SLC37A1: variants seen among roughly 807,000 people sequenced by gnomAD.
The protein encoded by SLC37A1 is glucose-6-phosphate exchanger SLC37A1.
In SLC37A1, 49 loss-of-function variants were observed where a neutral mutation model predicts 75.3. The observed-to-expected ratio is 0.65, with a 90% confidence interval of 0.52 to 0.83. The LOEUF (loss-of-function observed/expected upper bound fraction) is 0.83. SLC37A1 is among the 40% of genes least tolerant of loss of function. The probability of loss-of-function intolerance (pLI) is 0.00; values close to 1 mark genes in which losing one functional copy is unlikely to be tolerated. For synonymous variants in SLC37A1, 268 were observed against 292.1 expected (o/e 0.92, Z 0.84); for missense variants, 566 against 695.0 (o/e 0.81, Z 2.09).
intron 10 of SLC37A1, among the ~76,000 whole-genome samples, chr21:42,554,947 C>G (rs2055646959): frequency 6.8e-6 from 1 of 146,458 alleles, no homozygotes; most frequent in Non-Finnish European, 1.5e-5. Context: ...TGTTCTCTTT[C>G]TAGATCAGGT....
intron 2 of SLC37A1, among the ~76,000 whole-genome samples, chr21:42,523,475 G>A (rs921098555): frequency 3.3e-5 from 5 of 152,252 alleles, no homozygotes; most frequent in South Asian, 2.1e-4. Context: ...AGTCGAAGGC[G>A]TGAGAAGCAG....
At chr21:42,510,247 C>G (rs189915803), upstream of SLC37A1, among the ~76,000 whole-genome samples, 1 of 152,084 alleles carries the variant, frequency 6.6e-6, no homozygotes, top group Non-Finnish European at 1.5e-5. Context: ...AGGATAGTCT[C>G]GATCTCCTGA....
intron 2 of SLC37A1, among the ~76,000 whole-genome samples, chr21:42,521,328 TAGAC>T (rs1166275280): frequency 2.0e-5 from 3 of 152,184 alleles, no homozygotes; most frequent in Non-Finnish European, 2.9e-5. Context: ...TCAGAAAACA[TAGAC>T]AGAATTACAA....
intron 1 of SLC37A1, among the ~76,000 whole-genome samples, chr21:42,500,888 C>T (rs1036923171): frequency 6.6e-6 from 1 of 152,198 alleles, no homozygotes; most frequent in Non-Finnish European, 1.5e-5. Flanking sequence ...ATGCCAGATA[C>T]ACACACGCCC....
intron 5 of SLC37A1, 140 bp downstream of exon 5, chr21:42,535,690 A>G (rs1601702657): frequency 2.8e-6 from 2 of 718,730 alleles, no homozygotes; most frequent in African/African-American, 1.7e-5. Flanking sequence ...TTCCCTTCCC[A>G]AAGACGAGGC....
At position 42,534,753 on chromosome 21, in the gene SLC37A1, GC is replaced by G; in HGVS notation, c.196del (p.Gln66ArgfsTer65). ...AWDEADVRFSSQNRKSGSAAP... is the reference protein window; with the variant it reads ...AWDEADVRFSXQNRKSGSAAP... The stretch of plus-strand genomic sequence containing the variant: ...GATGAAGCTGACGTCAGGTTCAGCA[GC>G]CAGAACAGGAAGTCTGGGTCCGCTG... On this transcript the variant is annotated frameshift_variant, in exon 4 of 20. Transcript: ENST00000352133. LOFTEE classifies it high-confidence loss of function. The G allele has an allele frequency of 6.2e-7, 1 of 1,614,056 alleles. No homozygotes were observed. Among genetic ancestry groups the G allele is most frequent in the Non-Finnish European group, 8.5e-7 (1 of 1,179,996 alleles).
intron 2 of SLC37A1, among the ~76,000 whole-genome samples, chr21:42,507,770 A>ATCAG (rs2054397650): frequency 6.6e-6 from 1 of 152,218 alleles, no homozygotes; most frequent in South Asian, 2.1e-4. Context: ...GCTCCTTCTA[A>ATCAG]TCAGTGCTCA....
chr21:42,543,293 C>A (rs1395910058), intron 7 of SLC37A1, 143 bp from the exon 8 acceptor site: 18 of 935,464 alleles, frequency 1.9e-5, no homozygotes, highest in Admixed American at 1.6e-4. Flanking sequence ...GCGAGTCCTG[C>A]ATGGCACAGA....
intron 5 of SLC37A1, among the ~76,000 whole-genome samples, chr21:42,538,216 T>C (rs2055189724): frequency 6.6e-6 from 1 of 152,226 alleles, no homozygotes; most frequent in African/African-American, 2.4e-5. Flanking sequence ...ACCTATCTCC[T>C]GGTCTCTGAA....
intron 17 of SLC37A1, among the ~76,000 whole-genome samples, chr21:42,569,719 T>C (rs192059987): frequency 8.9e-4 from 135 of 152,358 alleles, no homozygotes; most frequent in African/African-American, 3.0e-3. Context: ...TTCGGTGCAC[T>C]CCTCTGTTTT....
At chr21:42,507,992 A>C (rs1261495581) in intron 2 of SLC37A1, among the ~76,000 whole-genome samples, 1 of 151,176 alleles carries the variant, frequency 6.6e-6, no homozygotes, top group African/African-American at 2.4e-5. Context: ...CCCATCAGAC[A>C]GTGTTTGTTT....
chr21:42,512,094 G>A (rs112377524), upstream of SLC37A1, among the ~76,000 whole-genome samples: 1,392 of 148,826 alleles, frequency 9.4e-3, 13 homozygotes, highest in African/African-American at 0.016. Context: ...AAAAAATAAT[G>A]TGAGGTGATT....
At position 42,580,585 on chromosome 21, in the gene SLC37A1, G is replaced by A; in HGVS notation, c.*225G>A. 2.4e-6 allele frequency: 1 copy of A among 416,844 alleles called. No homozygotes were observed. The highest frequency in any genetic ancestry group is 4.3e-6 in the Non-Finnish European group (1 of 230,640). The allele number at this position is 416,844 out of a possible 1,614,324, so 25.8% of individuals were successfully genotyped here. On this transcript the variant is annotated 3_prime_UTR_variant, in exon 20 of 20. Transcript: ENST00000352133. Reference sequence around the variant, plus strand: ...AAAGTCTGCAGGAACTGCTGCCTGAGCCAAGCCAGAGAACCGAAGACCCGG... The same window carrying A: ...AAAGTCTGCAGGAACTGCTGCCTGAACCAAGCCAGAGAACCGAAGACCCGG...
chr21:42,568,017 G>A (rs931722635), intron 16 of SLC37A1, among the ~76,000 whole-genome samples: 3 of 152,276 alleles, frequency 2.0e-5, no homozygotes, highest in Non-Finnish European at 2.9e-5. Context: ...GAAGGCCGGC[G>A]CAGCTCAGGG....
rs2054566375 is a variant in SLC37A1 at position 42,518,515 on chromosome 21, G to A, written c.56+5G>A. On this transcript the variant is annotated splice_donor_5th_base_variant and intron_variant, in intron 2 of 19. Transcript: ENST00000352133. ...CTCATTCTCCAGGGATCAGTGGTGA[G>A]TCCTGGTGGGGCAGGCCCTTGGCAT... 6.2e-7 allele frequency: 1 copy of A among 1,614,016 alleles called. No individual in the cohort carries two copies. The highest frequency in any genetic ancestry group is 1.7e-5 in the Admixed American group (1 of 60,008).
At chr21:42,513,258 G>T (rs1401640957), upstream of SLC37A1, among the ~76,000 whole-genome samples, 1 of 152,130 alleles carries the variant, frequency 6.6e-6, no homozygotes, top group African/African-American at 2.4e-5. Context: ...GGCCCGCAAG[G>T]GTAAGAACCC....
chr21:42,576,012 T>C (rs1416966303), intron 18 of SLC37A1: 4 of 954,658 alleles, frequency 4.2e-6, no homozygotes, highest in Non-Finnish European at 5.0e-6. Flanking sequence ...GAAAATTGTT[T>C]TGATGCTTAG....
chr21:42,512,229 GGA>G (rs1491073709), upstream of SLC37A1, among the ~76,000 whole-genome samples: 52 of 108,890 alleles, frequency 4.8e-4, no homozygotes, highest in African/African-American at 1.8e-3. Flanking sequence ...TGGGTGGGGG[GGA>G]GGGGGGGTGG....
At position 42,518,378 on chromosome 21, in the gene SLC37A1, T is replaced by C. The variant is rs112101288; in HGVS notation, c.-77T>C. On this transcript the variant is annotated 5_prime_UTR_variant, in exon 2 of 20. Transcript: ENST00000352133. ...AGCGGCAGGGGCAACAGAGAGAGGA[T>C]CTGGAGCCAGGATTAATGACTCATT... The C allele has an allele frequency of 2.0e-4, 312 of 1,582,134 alleles. 3 individuals carry two copies. The African/African-American group carries it at 3.5e-3, about 18-fold the overall frequency.
Sources: allele counts gnomAD v4.1 joint callset (sites outside exome capture counted in the v4.1 genomes callset), GRCh38; gene constraint gnomAD v4.1.1; transcripts MANE v1.5; gene names NCBI Gene and HGNC (gene_info 2026-07-23, HGNC 2026-07-21).